RANBP2: variants seen among roughly 807,000 people sequenced by gnomAD.
RANBP2 encodes the protein E3 SUMO-protein ligase RanBP2.
RANBP2 carries 57 observed loss-of-function variants against 303.6 expected under a neutral mutation model. That is an observed-to-expected ratio of 0.19 (90% confidence interval 0.15 to 0.23). The LOEUF is 0.23. RANBP2 is among the 10% of genes least tolerant of loss of function. RANBP2 has a pLI of 1.00. For synonymous variants in RANBP2, 1,167 were observed against 1,301.5 expected (o/e 0.90, Z 2.23); for missense variants, 3,138 against 3,780.8 (o/e 0.83, Z 4.46).
At chr2:108,732,937 C>T (rs1695287822) in intron 4 of RANBP2, among the ~76,000 whole-genome samples, 4 of 152,194 alleles carry the variant, frequency 2.6e-5, no homozygotes, top group Admixed American at 6.5e-5. Flanking sequence ...GATTCTCCTG[C>T]CTCAGCCTTC....
At chr2:109,553,851 C>T in the RANBP2 span, among the ~76,000 whole-genome samples, 1 of 147,708 alleles carries the variant, frequency 6.8e-6, no homozygotes, top group Admixed American at 6.8e-5. Context: ...AAGACTCTGT[C>T]TCAAAAAAAA....
intron 1 of RANBP2, among the ~76,000 whole-genome samples, chr2:108,724,510 G>T (rs1305483848): frequency 6.6e-6 from 1 of 152,036 alleles, no homozygotes; most frequent in Non-Finnish European, 1.5e-5. Context: ...TAGAAGTTCT[G>T]TTGTTAGGAG....
At chr2:109,210,823 T>C in the RANBP2 span, among the ~76,000 whole-genome samples, 1 of 152,222 alleles carries the variant, frequency 6.6e-6, no homozygotes, top group East Asian at 1.9e-4. Context: ...CTACAAAATG[T>C]AGCTTTTTAA....
the RANBP2 span, among the ~76,000 whole-genome samples, chr2:109,371,087 A>G: frequency 4.6e-5 from 7 of 152,174 alleles, no homozygotes; most frequent in Admixed American, 2.6e-4. Flanking sequence ...GCTATAATCA[A>G]TAGTGTCAGA....
chr2:109,211,470 T>A, the RANBP2 span, among the ~76,000 whole-genome samples: 1 of 152,112 alleles, frequency 6.6e-6, no homozygotes. Context: ...CTGAGAAGAA[T>A]GCAGATGGGC....
the RANBP2 span, among the ~76,000 whole-genome samples, chr2:108,998,940 T>C: frequency 2.6e-5 from 4 of 152,200 alleles, no homozygotes; most frequent in Admixed American, 6.5e-5. Context: ...AGCCTCACTG[T>C]CCCCAAGCTT....
At chr2:109,596,356 G>A in the RANBP2 span, among the ~76,000 whole-genome samples, 838 of 152,170 alleles carry the variant, frequency 5.5e-3, 11 homozygotes, top group South Asian at 0.056. Context: ...TGTGGCTCAC[G>A]CCTGTAATTC....
At chr2:109,080,307 G>T in the RANBP2 span, among the ~76,000 whole-genome samples, 73 of 152,306 alleles carry the variant, frequency 4.8e-4, no homozygotes, top group African/African-American at 1.7e-3. Flanking sequence ...TTGAGGCTGG[G>T]AAGTGGCGGC....
chr2:108,725,585 C>T (rs1694634811), intron 1 of RANBP2, among the ~76,000 whole-genome samples: 1 of 152,096 alleles, frequency 6.6e-6, no homozygotes, highest in Non-Finnish European at 1.5e-5. Flanking sequence ...CATGGTGAAA[C>T]CCCATCTCTA....
the RANBP2 span, chr2:108,910,740 C>T: frequency 8.7e-6 from 14 of 1,608,848 alleles, no homozygotes; most frequent in Admixed American, 6.7e-5. Flanking sequence ...AGATGGGCAC[C>T]GTGCACATGG....
chr2:109,564,954 A>G, the RANBP2 span, among the ~76,000 whole-genome samples: 1 of 152,216 alleles, frequency 6.6e-6, no homozygotes, highest in Non-Finnish European at 1.5e-5. Flanking sequence ...TGCAAACTCA[A>G]GAATACTATC....
At chr2:108,720,869 T>A (rs558343793) in intron 1 of RANBP2, among the ~76,000 whole-genome samples, 40 of 152,244 alleles carry the variant, frequency 2.6e-4, no homozygotes, top group African/African-American at 9.6e-4. Context: ...AACATGTTGA[T>A]ACCTCGTCTC....
the RANBP2 span, among the ~76,000 whole-genome samples, chr2:109,170,300 T>TCC: frequency 8.2e-6 from 1 of 121,222 alleles, no homozygotes; most frequent in Non-Finnish European, 1.7e-5. Context: ...TTCTCTTCTC[T>TCC]TCTCTTCTCT....
the RANBP2 span, among the ~76,000 whole-genome samples, chr2:109,281,848 G>T: frequency 6.6e-6 from 1 of 152,190 alleles, no homozygotes; most frequent in Non-Finnish European, 1.5e-5. Flanking sequence ...GGAGCACACA[G>T]ACCCCCAGCG....
chr2:108,839,193 T>C, the RANBP2 span: 4 of 1,607,006 alleles, frequency 2.5e-6, no homozygotes, highest in Non-Finnish European at 3.4e-6. Context: ...AGCTTTTGCC[T>C]CTAATGACAG....
the RANBP2 span, chr2:109,574,553 G>T: frequency 1.6e-3 from 2,176 of 1,376,304 alleles, 33 homozygotes; most frequent in African/African-American, 0.03. Flanking sequence ...ATTAAAGTAT[G>T]GTAAGTTGAT....
chr2:109,449,096 T>A, the RANBP2 span: 15 of 1,517,866 alleles, frequency 9.9e-6, no homozygotes, highest in Non-Finnish European at 1.3e-5. Context: ...TGAGTGTGCA[T>A]TGCAGCTGCC....
the RANBP2 span, among the ~76,000 whole-genome samples, chr2:109,125,896 CT>C: frequency 6.6e-6 from 1 of 152,260 alleles, no homozygotes; most frequent in Non-Finnish European, 1.5e-5. Context: ...AAATTGTAAA[CT>C]GGCGGTCTGT....
chr2:109,164,931 A>C, the RANBP2 span, among the ~76,000 whole-genome samples: 1 of 152,232 alleles, frequency 6.6e-6, no homozygotes, highest in Non-Finnish European at 1.5e-5. Flanking sequence ...GACCATTGCA[A>C]ATAAAAATGA....
Sources: gnomAD v4.1 joint callset for allele counts (sites outside exome capture counted in the v4.1 genomes callset) on GRCh38, gnomAD v4.1.1 for gene constraint, MANE v1.5 for transcripts, NCBI Gene and HGNC (gene_info 2026-07-23, HGNC 2026-07-21) for gene names.